CFH: variants seen among roughly 807,000 people sequenced by gnomAD.
CFH encodes the protein complement factor H.
Under a neutral mutation model 147.3 loss-of-function variants are expected in CFH, and 53 were observed. The ratio of observed to expected loss-of-function variants is 0.36; its 90% CI spans 0.29 to 0.45. The LOEUF (loss-of-function observed/expected upper bound fraction) is 0.45. Ranked by LOEUF, CFH falls within the 20% of genes least tolerant of loss-of-function variation. The pLI, the probability that CFH is intolerant of heterozygous loss-of-function variation, is 1.00. For synonymous variants in CFH, 536 were observed against 489.4 expected (o/e 1.10, Z -1.26); for missense variants, 1,380 against 1,498.0 (o/e 0.92, Z 1.30).
chr1:196,740,247 T>C (rs1652765845), intron 17 of CFH, among the ~76,000 whole-genome samples: 1 of 152,200 alleles, frequency 6.6e-6, no homozygotes, highest in Non-Finnish European at 1.5e-5. Flanking sequence ...TTTTAAAACT[T>C]CTTTTACATT....
At chr1:196,722,835 T>G (rs1318393956) in intron 11 of CFH, among the ~76,000 whole-genome samples, 1 of 152,128 alleles carries the variant, frequency 6.6e-6, no homozygotes, top group East Asian at 1.9e-4. Context: ...CTTCAAGCTC[T>G]GAGAGCAAGT....
At chr1:196,742,670 C>G (rs1652850374) in intron 19 of CFH, among the ~76,000 whole-genome samples, 1 of 152,192 alleles carries the variant, frequency 6.6e-6, no homozygotes, top group South Asian at 2.1e-4. Context: ...TCTAGACATC[C>G]AGAATCAAAA....
At chr1:196,654,038 A>C (rs552938408) in intron 1 of CFH, among the ~76,000 whole-genome samples, 13 of 152,234 alleles carry the variant, frequency 8.5e-5, no homozygotes, top group African/African-American at 2.6e-4. Context: ...CGAGATGTCC[A>C]TCAGTTCTAT....
At position 196,744,159 on chromosome 1, in the gene CFH, A is replaced by T. The variant is rs183877381; in HGVS notation, c.3310+531A>T. ...ATCTTACTCACCTTTATGTTTTAAAATTAATGTTTTTCTGTATTTTTTTTT... is the reference window on the plus strand; with the variant it reads ...ATCTTACTCACCTTTATGTTTTAAATTTAATGTTTTTCTGTATTTTTTTTT... On this transcript the variant is annotated intron_variant, in intron 20 of 21. Transcript: ENST00000367429. 3.7e-4 allele frequency among the ~76,000 whole-genome samples: 56 copies of T among 151,550 alleles called. No individual in the cohort carries two copies. In the Middle Eastern group the frequency reaches 0.017, roughly 46 times the overall value.
intron 20 of CFH, among the ~76,000 whole-genome samples, chr1:196,744,802 A>G (rs1023914454): frequency 1.1e-4 from 16 of 152,148 alleles, no homozygotes; most frequent in Admixed American, 7.9e-4. Context: ...TCAGGATCCT[A>G]AAGTCTCAAG....
At chr1:196,669,916 C>T (rs986813779) in intron 1 of CFH, among the ~76,000 whole-genome samples, 3 of 152,166 alleles carry the variant, frequency 2.0e-5, no homozygotes, top group African/African-American at 7.2e-5. Context: ...GTAGCCAGGG[C>T]AGGGGGCCAT....
chr1:196,668,569 G>C (rs1482204725), intron 1 of CFH, among the ~76,000 whole-genome samples: 2 of 152,098 alleles, frequency 1.3e-5, no homozygotes, highest in African/African-American at 4.8e-5. Flanking sequence ...GAGGTGACTG[G>C]ATCATGGGGG....
At chr1:196,700,464 G>T (rs772794974) in intron 9 of CFH, among the ~76,000 whole-genome samples, 1 of 151,934 alleles carries the variant, frequency 6.6e-6, no homozygotes, top group African/African-American at 2.4e-5. Context: ...GACCAGGCTG[G>T]CCAACATGGT....
At chr1:196,684,995 G>A (rs1667777152) in intron 6 of CFH, 69 bp from the exon 7 acceptor site, 33 of 1,225,654 alleles carry the variant, frequency 2.7e-5, no homozygotes, top group Non-Finnish European at 3.8e-5. Context: ...ACTTTTAAAT[G>A]TTTATATAAA....
At chr1:196,655,373 T>G (rs1286669284) in intron 1 of CFH, among the ~76,000 whole-genome samples, 1 of 152,212 alleles carries the variant, frequency 6.6e-6, no homozygotes, top group Non-Finnish European at 1.5e-5. Context: ...AGGCAAGCTT[T>G]GCTTATTTTA....
At chr1:196,702,018 T>G (rs1668468806) in intron 9 of CFH, among the ~76,000 whole-genome samples, 1 of 152,154 alleles carries the variant, frequency 6.6e-6, no homozygotes, top group Non-Finnish European at 1.5e-5. Flanking sequence ...ATGTATAATG[T>G]TTTATGTTGC....
Position 196,737,342 on chromosome 1 carries a change from T to C in CFH, c.2597-133T>C, listed in dbSNP as rs1487803468. On this transcript the variant is annotated intron_variant, in intron 16 of 21. Coordinates refer to ENST00000367429, the MANE Select transcript of CFH (RefSeq NM_000186.4). Reference sequence around the variant, plus strand: ...GGAATATATCTTTGCGAGTTTCTAATATGTTTTTGTTTTTAAATAATTTTA... The same window carrying C: ...GGAATATATCTTTGCGAGTTTCTAACATGTTTTTGTTTTTAAATAATTTTA... 1.4e-5 allele frequency: 10 copies of C among 694,956 alleles called. No homozygotes were observed. In the South Asian group the frequency reaches 1.8e-4, roughly 13 times the overall value. 43.0% of individuals were successfully genotyped at this position (694,956 alleles called of 1,614,324 possible).
chr1:196,685,351 G>C, intron 7 of CFH, 114 bp downstream of exon 7: 2 of 1,115,720 alleles, frequency 1.8e-6, no homozygotes, highest in Non-Finnish European at 2.7e-6. Flanking sequence ...TACAAAGTAA[G>C]GCTGTTGGAA....
At chr1:196,664,124 T>C (rs1558150700) in intron 1 of CFH, among the ~76,000 whole-genome samples, 1 of 152,164 alleles carries the variant, frequency 6.6e-6, no homozygotes, top group African/African-American at 2.4e-5. Flanking sequence ...GACATGATCA[T>C]AGCTCACTGC....
chr1:196,690,663 T>TGA (rs947851343), intron 9 of CFH, among the ~76,000 whole-genome samples: 6 of 152,214 alleles, frequency 3.9e-5, no homozygotes, highest in Admixed American at 1.3e-4. Context: ...TCCTCTCTTG[T>TGA]GAGAGAGAGC....
intron 9 of CFH, among the ~76,000 whole-genome samples, chr1:196,711,938 T>A (rs972882426): frequency 1.3e-5 from 2 of 152,092 alleles, no homozygotes; most frequent in Non-Finnish European, 2.9e-5. Flanking sequence ...CACTCCATAG[T>A]TTCTTCTTTT....
chr1:196,653,872 T>C (rs1473435199), intron 1 of CFH, among the ~76,000 whole-genome samples: 3 of 152,078 alleles, frequency 2.0e-5, no homozygotes, highest in African/African-American at 4.8e-5. Context: ...AAAGCACAAC[T>C]TTGTATTTAA....
intron 1 of CFH, among the ~76,000 whole-genome samples, chr1:196,670,372 G>T (rs1667236424): frequency 6.6e-6 from 1 of 152,120 alleles, no homozygotes; most frequent in Non-Finnish European, 1.5e-5. Flanking sequence ...TAGGCTCTGT[G>T]TCCCTACCCA....
At position 196,658,497 on chromosome 1, in the gene CFH, C is replaced by T. The variant is rs986743886; in HGVS notation, c.58+6322C>T. On this transcript the variant is annotated intron_variant, in intron 1 of 21. Coordinates refer to ENST00000367429, the MANE Select transcript of CFH (RefSeq NM_000186.4). Reference sequence around the variant, plus strand: ...CGCTATCTCGGCTCACTGCAAGCTCCGCCTCCCGGGTTCACGCCATTCTCC... The same window carrying T: ...CGCTATCTCGGCTCACTGCAAGCTCTGCCTCCCGGGTTCACGCCATTCTCC... Among the ~76,000 whole-genome samples the T allele has an allele frequency of 2.0e-5, 3 of 148,008 alleles. No homozygotes were observed. In the Admixed American group the frequency reaches 2.0e-4, roughly 10 times the overall value.
Sources: gnomAD v4.1 joint callset for allele counts (sites outside exome capture counted in the v4.1 genomes callset) on GRCh38, gnomAD v4.1.1 for gene constraint, MANE v1.5 for transcripts, NCBI Gene and HGNC (gene_info 2026-07-23, HGNC 2026-07-21) for gene names.